The following BICC1 variants were observed in gnomAD, a reference collection of about 807,000 sequenced individuals.
BICC1 encodes the protein BicC family RNA binding protein 1.
BICC1 carries 43 observed loss-of-function variants against 111.0 expected under a neutral mutation model. That is an observed-to-expected ratio of 0.39 (90% confidence interval 0.30 to 0.50). The LOEUF is 0.50. BICC1 is among the 20% of genes least tolerant of loss of function. The probability of loss-of-function intolerance (pLI) is 0.88; values close to 1 mark genes in which losing one functional copy is unlikely to be tolerated. For missense variants in BICC1, 1,091 were observed against 1,203.2 expected (o/e 0.91, Z 1.38); for synonymous variants, 467 against 434.4 (o/e 1.07, Z -0.93).
intron 19 of BICC1, among the ~76,000 whole-genome samples, chr10:58,818,225 G>T (rs1379227589): frequency 6.6e-6 from 1 of 151,764 alleles, no homozygotes; most frequent in African/African-American, 2.4e-5. Context: ...CTTATTGTTT[G>T]GGTTTTACCT....
At chr10:58,527,825 T>C (rs1240563656) in intron 1 of BICC1, among the ~76,000 whole-genome samples, 2 of 151,938 alleles carry the variant, frequency 1.3e-5, no homozygotes, top group East Asian at 1.9e-4. Context: ...GCAGAGGAGC[T>C]TGGTGTCAGG....
chr10:58,770,557 T>G (rs1184787391), intron 3 of BICC1, among the ~76,000 whole-genome samples: 3 of 152,062 alleles, frequency 2.0e-5, no homozygotes, highest in South Asian at 2.1e-4. Flanking sequence ...TTTATGAGGA[T>G]GGTACCAACA....
intron 1 of BICC1, among the ~76,000 whole-genome samples, chr10:58,596,602 A>T (rs1462131691): frequency 6.6e-6 from 1 of 152,204 alleles, no homozygotes; most frequent in Non-Finnish European, 1.5e-5. Flanking sequence ...AAATAGGAAG[A>T]GAGGAAGTCA....
At position 58,800,248 on chromosome 10, in the gene BICC1, C is replaced by T. The variant is rs769345651; in HGVS notation, c.1780C>T (p.Leu594=). 4 of 1,611,838 alleles carry T rather than the reference C, an allele frequency of 2.5e-6. No homozygotes were observed. The highest frequency in any genetic ancestry group is 3.4e-6 in the Non-Finnish European group (4 of 1,178,256). The change falls in exon 13 of 21, where the codon CTG becomes TTG. Residue 594 remains leucine (L), a synonymous_variant. Transcript: ENST00000373886. ...CACTTCATCACTTGGAGAAAAAGTG[C>T]TGAGTGCAAATCACGGGGATCCGTC... is the stretch of plus-strand genomic sequence containing the variant. The part of the protein sequence containing the change: ...ISTSSLGEKV[L]SANHGDPSIQ...
At chr10:58,824,614 T>C (rs192129333) in intron 20 of BICC1, among the ~76,000 whole-genome samples, 84 of 152,306 alleles carry the variant, frequency 5.5e-4, no homozygotes, top group African/African-American at 1.9e-3. Context: ...TCAGCATTAC[T>C]GTAGATGGCC....
chr10:58,673,398 T>C (rs1031853923), intron 2 of BICC1, among the ~76,000 whole-genome samples: 1 of 152,192 alleles, frequency 6.6e-6, no homozygotes, highest in African/African-American at 2.4e-5. Context: ...CATATAACCC[T>C]TGCCTTAGGC....
intron 2 of BICC1, among the ~76,000 whole-genome samples, chr10:58,660,585 C>T (rs1340130515): frequency 6.6e-6 from 1 of 152,010 alleles, no homozygotes; most frequent in Non-Finnish European, 1.5e-5. Context: ...AGCTGGTTTC[C>T]AGGATCCTCA....
At chr10:58,733,231 A>G (rs1009497594) in intron 3 of BICC1, among the ~76,000 whole-genome samples, 1 of 152,236 alleles carries the variant, frequency 6.6e-6, no homozygotes, top group African/African-American at 2.4e-5. Context: ...AACAATCACT[A>G]GCCCTTGAGG....
chr10:58,648,110 A>T (rs1025114750), intron 2 of BICC1, among the ~76,000 whole-genome samples: 1 of 148,240 alleles, frequency 6.7e-6, no homozygotes, highest in Non-Finnish European at 1.5e-5. Flanking sequence ...AACTGCATTT[A>T]AAAAAAAATG....
intron 2 of BICC1, among the ~76,000 whole-genome samples, chr10:58,651,825 AACTTTT>A (rs1838458951): frequency 1.3e-5 from 2 of 152,288 alleles, no homozygotes; most frequent in South Asian, 4.1e-4. Flanking sequence ...CTGAAATCAT[AACTTTT>A]CTAGAAATCT....
At chr10:58,604,588 G>A (rs941010466) in intron 1 of BICC1, among the ~76,000 whole-genome samples, 1 of 152,156 alleles carries the variant, frequency 6.6e-6, no homozygotes, top group Admixed American at 6.5e-5. Context: ...GTGAACCCGG[G>A]AGGCAGAGCT....
At chr10:58,709,024 C>G (rs2132476806) in intron 3 of BICC1, among the ~76,000 whole-genome samples, 1 of 152,272 alleles carries the variant, frequency 6.6e-6, no homozygotes, top group African/African-American at 2.4e-5. Flanking sequence ...ATTAGCATAT[C>G]CATCACCTCC....
At chr10:58,716,714 G>C (rs1296631704) in intron 3 of BICC1, among the ~76,000 whole-genome samples, 10 of 147,400 alleles carry the variant, frequency 6.8e-5, no homozygotes, top group Admixed American at 4.6e-4. Flanking sequence ...TACTCTGTAA[G>C]ATAAGTGTAG....
intron 1 of BICC1, among the ~76,000 whole-genome samples, chr10:58,610,113 A>G (rs1373817857): frequency 1.3e-5 from 2 of 152,230 alleles, no homozygotes; most frequent in African/African-American, 4.8e-5. Context: ...ACCCTTAGCA[A>G]GAGTTACTGA....
intron 3 of BICC1, among the ~76,000 whole-genome samples, chr10:58,760,241 A>G (rs1842273484): frequency 6.6e-6 from 1 of 152,156 alleles, no homozygotes; most frequent in African/African-American, 2.4e-5. Context: ...AGTGTGTTAA[A>G]TTACTGTAAA....
chr10:58,743,304 C>T (rs1473312652), intron 3 of BICC1, among the ~76,000 whole-genome samples: 2 of 151,924 alleles, frequency 1.3e-5, no homozygotes, highest in African/African-American at 2.4e-5. Flanking sequence ...CTCCAGGTCT[C>T]TCATCAATAC....
At chr10:58,759,274 T>C (rs1842236003) in intron 3 of BICC1, among the ~76,000 whole-genome samples, 2 of 152,100 alleles carry the variant, frequency 1.3e-5, no homozygotes, top group Admixed American at 6.5e-5. Context: ...CATTAAAATA[T>C]TTAAGAGAGT....
intron 1 of BICC1, among the ~76,000 whole-genome samples, chr10:58,540,177 A>T (rs79876689): frequency 2.0e-3 from 309 of 152,024 alleles, no homozygotes; most frequent in African/African-American, 7.1e-3. Flanking sequence ...AAAATCTCCA[A>T]TCAACAACCT....
chr10:58,741,166 G>T (rs1022290081), intron 3 of BICC1, among the ~76,000 whole-genome samples: 5 of 152,174 alleles, frequency 3.3e-5, no homozygotes, highest in African/African-American at 1.2e-4. Context: ...GAGGGCAGAC[G>T]AGTTGTTGGA....
Sources: allele counts gnomAD v4.1 joint callset (sites outside exome capture counted in the v4.1 genomes callset), GRCh38; gene constraint gnomAD v4.1.1; transcripts MANE v1.5; gene names NCBI Gene and HGNC (gene_info 2026-07-23, HGNC 2026-07-21).